BEND5: variants seen among roughly 807,000 people sequenced by gnomAD.
The protein encoded by BEND5 is BEN domain-containing protein 5.
In BEND5, 22 loss-of-function variants were observed where a neutral mutation model predicts 43.9. That is an observed-to-expected ratio of 0.50 (90% CI 0.36 to 0.72). The LOEUF (loss-of-function observed/expected upper bound fraction) is 0.72. Among genes scored for constraint, BEND5 ranks in the 30% least tolerant of loss-of-function variants. BEND5 has a pLI of 0.00. For missense variants in BEND5, 428 were observed against 550.6 expected, an observed-to-expected ratio of 0.78 and a Z score of 2.23; for synonymous variants, 228 against 225.9, an observed-to-expected ratio of 1.01 and a Z score of -0.08.
chr1:48,732,879 G>A lies in BEND5; in HGVS notation c.1108+3360C>T, dbSNP rs6671654. On this transcript the variant is annotated intron_variant, in intron 5 of 5. Transcript: ENST00000371833. ...CACAGAGGAGAGGGCCCATCAAGGA[G>A]ACTGAGAAACCAGAGAGATGGGAAG... is the stretch of plus-strand genomic sequence containing the variant. Among the ~76,000 whole-genome samples, 522 of 152,306 alleles carry A rather than the reference G, an allele frequency of 3.4e-3. 3 individuals are homozygous for A. Among genetic ancestry groups the A allele is most frequent in the African/African-American group, 0.012 (491 of 41,554 alleles).
At chr1:48,731,466 G>C (rs960098446) in intron 5 of BEND5, among the ~76,000 whole-genome samples, 2 of 152,152 alleles carry the variant, frequency 1.3e-5, no homozygotes, top group African/African-American at 2.4e-5. Context: ...AGGAGGCAAA[G>C]ATACAGTAAG....
rs566432098 is a variant in BEND5, at chr1:48,772,542, G to C, written c.226+4064C>G. 3.0e-4 allele frequency among the ~76,000 whole-genome samples: 46 copies of C among 152,332 alleles called. 2 individuals carry two copies. The South Asian group carries it at 8.9e-3, about 29-fold the overall frequency. ...TAGGTCTCAGGGAAAGGGGAAGAGA[G>C]AGTGAGGCTGGAGAAGTAAGGTGGG... is the stretch of plus-strand genomic sequence containing the variant. On this transcript the variant is annotated intron_variant, in intron 1 of 5. Coordinates refer to ENST00000371833, the MANE Select transcript of BEND5 (RefSeq NM_024603.4).
intron 1 of BEND5, among the ~76,000 whole-genome samples, chr1:48,763,276 T>A (rs1004320182): frequency 3.3e-5 from 5 of 152,214 alleles, no homozygotes; most frequent in Non-Finnish European, 7.3e-5. Context: ...TCACAATGGC[T>A]CATTCTTGCA....
chr1:48,758,897 C>A lies in BEND5; in HGVS notation c.745+3G>T. The A allele has an allele frequency of 6.6e-7, 1 of 1,508,776 alleles. No homozygotes were observed. Among genetic ancestry groups the A allele is most frequent in the South Asian group, 1.3e-5 (1 of 75,878 alleles). The allele number at this position is 1,508,776 out of a possible 1,614,324, so 93.5% of individuals were successfully genotyped here. The stretch of plus-strand genomic sequence containing the variant: ...GTGGTAGGTGACCTGCTGGGGCACT[C>A]ACCGCTGCCAAGCCGCAGGAGCAGC... On this transcript the variant is annotated splice_donor_region_variant and intron_variant, in intron 3 of 5. Coordinates refer to ENST00000371833, the MANE Select transcript of BEND5 (RefSeq NM_024603.4).
chr1:48,776,775 C>G lies in BEND5; in HGVS notation c.57G>C (p.Ser19=), dbSNP rs1267856882. 13 of 1,524,338 alleles carry G rather than the reference C, an allele frequency of 8.5e-6. No homozygotes were observed. The highest frequency in any genetic ancestry group is 7.4e-5 in the South Asian group (6 of 81,148). 94.4% of individuals were successfully genotyped at this position (1,524,338 alleles called of 1,614,324 possible). Residue 19 remains serine (S), a synonymous_variant, in exon 1 of 6, where the codon TCG becomes TCC. Transcript: ENST00000371833. Reference sequence around the variant, plus strand: ...AGCGGGGGCTGAAGTCGCGCACGCACGACACGGGCAGCGCGTAGCAGACGT... The same window carrying G: ...AGCGGGGGCTGAAGTCGCGCACGCAGGACACGGGCAGCGCGTAGCAGACGT... ...EDNVCYALPV[S]CVRDFSPRSR... is the part of the protein sequence containing the mutation.
In BEND5 at chr1:48,776,817, C is replaced by T; in HGVS notation, c.15G>A (p.Val5=). Residue 5 remains valine, a synonymous_variant, in exon 1 of 6, where the codon GTG becomes GTA. Transcript: ENST00000371833. The stretch of plus-strand genomic sequence containing the variant: ...AGCAGACGTTGTCCTCCAGGAACCG[C>T]ACAAAGGCGTACATGGTGGGCGCCG... MYAF[V]RFLEDNVCYA... is the part of the protein sequence containing the mutation. 1 of 1,516,830 alleles carries T rather than the reference C, an allele frequency of 6.6e-7. No individual in the cohort carries two copies. Among genetic ancestry groups the T allele is most frequent in the African/African-American group, 1.4e-5 (1 of 69,062 alleles). The allele number at this position is 1,516,830 out of a possible 1,614,324, so 94.0% of individuals were successfully genotyped here. A position where few individuals can be genotyped will look rare whatever the true frequency, so the allele number is the denominator to read the frequency against.
chr1:48,741,858 G>A (rs1368232565), intron 4 of BEND5, among the ~76,000 whole-genome samples: 1 of 152,166 alleles, frequency 6.6e-6, no homozygotes, highest in African/African-American at 2.4e-5. Flanking sequence ...TTTCACCAGT[G>A]CCAACACAAA....
At chr1:48,762,076 G>A (rs981844203) in intron 1 of BEND5, among the ~76,000 whole-genome samples, 2 of 152,160 alleles carry the variant, frequency 1.3e-5, no homozygotes, top group African/African-American at 4.8e-5. Flanking sequence ...AGGGACCTCA[G>A]TGAACAAGTG....
At chr1:48,733,851 T>G (rs753869908) in intron 5 of BEND5, among the ~76,000 whole-genome samples, 8 of 152,220 alleles carry the variant, frequency 5.3e-5, no homozygotes, top group Non-Finnish European at 1.2e-4. Context: ...GTGCCTACTA[T>G]GTGCCAGACA....
chr1:48,747,947 G>A (rs1651024433), intron 3 of BEND5, among the ~76,000 whole-genome samples: 3 of 151,956 alleles, frequency 2.0e-5, no homozygotes, highest in Non-Finnish European at 4.4e-5. Context: ...TTAGAAAAAA[G>A]GACTAAATCC....
At chr1:48,773,259 A>G (rs995215274) in intron 1 of BEND5, among the ~76,000 whole-genome samples, 80 of 152,210 alleles carry the variant, frequency 5.3e-4, no homozygotes, top group African/African-American at 1.9e-3. Context: ...TAAAAAAAAA[A>G]TAAAATTCAA....
intron 5 of BEND5, among the ~76,000 whole-genome samples, chr1:48,730,397 A>G (rs1238085944): frequency 6.6e-6 from 1 of 152,172 alleles, no homozygotes; most frequent in Non-Finnish European, 1.5e-5. Flanking sequence ...CGGTTTCACT[A>G]TCTACGAAAG....
Position 48,776,778 on chromosome 1 carries a change from C to G in BEND5, c.54G>C (p.Val18=), listed in dbSNP as rs1006396750. The change falls in exon 1 of 6, where the codon GTG becomes GTC. Residue 18 remains valine (V), a synonymous_variant. Coordinates refer to ENST00000371833, the MANE Select transcript of BEND5 (RefSeq NM_024603.4). ...LEDNVCYALP[V]SCVRDFSPRS... ...GGGGGCTGAAGTCGCGCACGCACGA[C>G]ACGGGCAGCGCGTAGCAGACGTTGT... 3 of 1,524,454 alleles carry G rather than the reference C, an allele frequency of 2.0e-6. No homozygotes were observed. Among genetic ancestry groups the G allele is most frequent in the South Asian group, 1.2e-5 (1 of 81,162 alleles). 94.4% of individuals were successfully genotyped at this position (1,524,454 alleles called of 1,614,324 possible).
intron 4 of BEND5, among the ~76,000 whole-genome samples, chr1:48,741,431 C>CCA (rs1649893728): frequency 6.6e-6 from 1 of 152,198 alleles, no homozygotes; most frequent in South Asian, 2.1e-4. Flanking sequence ...ACTTGTCATG[C>CCA]CACCTCTCCT....
chr1:48,769,344 G>A (rs546418924), intron 1 of BEND5, among the ~76,000 whole-genome samples: 1 of 152,118 alleles, frequency 6.6e-6, no homozygotes, highest in Non-Finnish European at 1.5e-5. Flanking sequence ...ACAGGACTGG[G>A]GCACAGAAAA....
At chr1:48,728,157 G>T in intron 5 of BEND5, 114 bp from the exon 6 acceptor site, 2 of 926,506 alleles carry the variant, frequency 2.2e-6, no homozygotes, top group Non-Finnish European at 3.2e-6. Context: ...ACCAGCTTAT[G>T]TATCTGGCAT....
intron 5 of BEND5, among the ~76,000 whole-genome samples, chr1:48,730,577 A>T (rs1433662636): frequency 6.6e-6 from 1 of 152,162 alleles, no homozygotes; most frequent in African/African-American, 2.4e-5. Flanking sequence ...TGGTAGAAGG[A>T]GAAAGGTGCA....
chr1:48,748,993 C>G (rs895285270), intron 3 of BEND5, among the ~76,000 whole-genome samples: 4 of 152,056 alleles, frequency 2.6e-5, no homozygotes, highest in Non-Finnish European at 5.9e-5. Context: ...CTCGGGGAAT[C>G]TGAACCACAG....
chr1:48,752,640 T>C (rs1354771429), intron 3 of BEND5, among the ~76,000 whole-genome samples: 1 of 152,238 alleles, frequency 6.6e-6, no homozygotes, highest in African/African-American at 2.4e-5. Context: ...CCAAGTGCTA[T>C]ATACACATTT....
Sources: gnomAD v4.1 joint callset for allele counts (sites outside exome capture counted in the v4.1 genomes callset) on GRCh38, gnomAD v4.1.1 for gene constraint, MANE v1.5 for transcripts, NCBI Gene and HGNC (gene_info 2026-07-23, HGNC 2026-07-21) for gene names.